The following DIAPH1 variants were observed in gnomAD, a reference collection of about 807,000 sequenced individuals.
The protein encoded by DIAPH1 is diaphanous related formin 1.
DIAPH1 carries 46 observed loss-of-function variants against 140.7 expected under a neutral mutation model. That is an observed-to-expected ratio of 0.33 (90% CI 0.26 to 0.42). The LOEUF is 0.42. DIAPH1 is among the 10% of genes least tolerant of loss of function. The pLI is 1.00. For missense variants in DIAPH1, 1,310 were observed against 1,558.7 expected (o/e 0.84, Z 2.69); for synonymous variants, 565 against 551.6 (o/e 1.02, Z -0.34).
rs1334098898 is a variant in DIAPH1 at position 141,573,779 on chromosome 5, G to A, written c.2071C>T (p.Pro691Ser). Residue 691 changes from proline to serine, a missense_variant, in exon 16 of 28, where the codon CCA becomes TCA. This residue lies in a region of DIAPH1 where 589 missense variants were observed against 549.3 expected (regional missense o/e 1.07). Coordinates refer to ENST00000389054, the MANE Select transcript of DIAPH1 (RefSeq NM_005219.5). Reference protein sequence around the residue: ...LPGSARIPPPPPPLPGSAGIP... With the variant: ...LPGSARIPPPSPPLPGSAGIP... ...CCAGCACTCCCAGGCAAAGGAGGTG[G>A]TGGTGGGGGGATTCTAGCACTCCCA... 6 of 1,367,966 alleles carry A rather than the reference G, an allele frequency of 4.4e-6. No individual in the cohort carries two copies. The highest frequency in any genetic ancestry group is 3.0e-5 in the African/African-American group (2 of 65,930). 84.7% of individuals were successfully genotyped at this position (1,367,966 alleles called of 1,614,324 possible).
chr5:141,572,356 A>G (rs1265118816), intron 16 of DIAPH1, among the ~76,000 whole-genome samples: 1 of 152,074 alleles, frequency 6.6e-6, no homozygotes, highest in Non-Finnish European at 1.5e-5. Flanking sequence ...AATTTCTCCC[A>G]CCAGTTTGGC....
At chr5:141,605,878 C>T (rs1462627645) in intron 1 of DIAPH1, among the ~76,000 whole-genome samples, 2 of 152,156 alleles carry the variant, frequency 1.3e-5, no homozygotes. Context: ...ACAGACGTCA[C>T]CCACAGACCT....
chr5:141,589,415 A>T (rs554244690), intron 1 of DIAPH1, among the ~76,000 whole-genome samples: 14 of 152,250 alleles, frequency 9.2e-5, no homozygotes, highest in Non-Finnish European at 1.8e-4. Flanking sequence ...GAGTTAATGA[A>T]AGATGTGAAC....
Position 141,578,524 on chromosome 5 carries a change from C to A in DIAPH1, c.1035G>T (p.Gln345His). ...AAGTGTAATATCTTACCTGCAACAC[C>A]TGATGTAGCCCCAAACGCATCAGTT... ...RSELMRLGLHQVLQDLREIEN... is the reference protein window; with the variant it reads ...RSELMRLGLHHVLQDLREIEN... The change falls in exon 10 of 28, where the codon CAG becomes CAT. Residue 345 changes from glutamine (Q) to histidine (H), a missense_variant. Physicochemically the swap from Gln to His is conservative, Grantham distance 24. Coordinates refer to ENST00000389054, the MANE Select transcript of DIAPH1 (RefSeq NM_005219.5). 6.2e-7 allele frequency: 1 copy of A among 1,613,808 alleles called. No individual in the cohort carries two copies. Among genetic ancestry groups the A allele is most frequent in the South Asian group, 1.1e-5 (1 of 91,066 alleles).
Position 141,591,695 on chromosome 5 carries a change from G to GAGATATATAT in DIAPH1, c.118-3446_118-3445insATATATATCT, listed in dbSNP as rs1212743856. ...TGGAAAAGGAAGGAAGGGAGATGGGGATATATATATATATATATATATATA... is the reference window on the plus strand; with the variant it reads ...TGGAAAAGGAAGGAAGGGAGATGGGGAGATATATATATATATATATATATATATATATATA... On this transcript the variant is annotated intron_variant, in intron 1 of 27. Transcript: ENST00000389054. 1.0e-3 allele frequency among the ~76,000 whole-genome samples: 86 copies of GAGATATATAT among 86,346 alleles called. 1 individual carries two copies. The highest frequency in any genetic ancestry group is 4.4e-3 in the African/African-American group (77 of 17,474). The allele number at this position is 86,346 out of a possible 152,430, so 56.6% of individuals were successfully genotyped here.
At chr5:141,540,117 G>A (rs2099889744) in intron 18 of DIAPH1, among the ~76,000 whole-genome samples, 1 of 151,152 alleles carries the variant, frequency 6.6e-6, no homozygotes, top group Non-Finnish European at 1.5e-5. Flanking sequence ...GCATAAGGTT[G>A]TTTTTTTTCT....
chr5:141,538,723 G>A (rs1354585368), intron 18 of DIAPH1, among the ~76,000 whole-genome samples: 6 of 151,870 alleles, frequency 4.0e-5, no homozygotes, highest in East Asian at 1.9e-4. Context: ...GTGAGCCACC[G>A]TGCCCAGCCC....
At chr5:141,553,372 G>A (rs2099892044) in intron 18 of DIAPH1, among the ~76,000 whole-genome samples, 2 of 152,150 alleles carry the variant, frequency 1.3e-5, no homozygotes, top group Admixed American at 1.3e-4. Context: ...GGGCATGGTG[G>A]CTCACGCCTG....
Position 141,573,866 on chromosome 5 carries a change from C to A in DIAPH1, c.1984G>T (p.Gly662Cys), listed in dbSNP as rs753471630. Residue 662 changes from glycine to cysteine, a missense_variant, in exon 16 of 28, where the codon GGC becomes TGC. Coordinates refer to ENST00000389054, the MANE Select transcript of DIAPH1 (RefSeq NM_005219.5). The part of the protein sequence containing the change: ...PPPPPLPEGV[G>C]IPSPSSLPGG... ...GGCAAAGAAGAGGGTGAAGGGATGC[C>A]AACACCCTCAGGCAAAGGAGGGGGT... 3 of 1,532,486 alleles carry A rather than the reference C, an allele frequency of 2.0e-6. No homozygotes were observed. In the East Asian group the frequency reaches 7.2e-5, roughly 37 times the overall value. The allele number at this position is 1,532,486 out of a possible 1,614,324, so 94.9% of individuals were successfully genotyped here.
intron 24 of DIAPH1, among the ~76,000 whole-genome samples, chr5:141,526,985 C>T (rs2099887429): frequency 6.6e-6 from 1 of 152,056 alleles, no homozygotes; most frequent in Non-Finnish European, 1.5e-5. Context: ...GACATATGTG[C>T]AAAACACAAT....
At chr5:141,572,481 C>T (rs1022300862) in intron 16 of DIAPH1, among the ~76,000 whole-genome samples, 7 of 152,154 alleles carry the variant, frequency 4.6e-5, no homozygotes, top group Non-Finnish European at 8.8e-5. Context: ...TCAAACACAT[C>T]ATGGGAACAA....
chr5:141,578,902 T>C (rs1359239861), intron 9 of DIAPH1, among the ~76,000 whole-genome samples, 186 bp downstream of exon 9: 1 of 152,210 alleles, frequency 6.6e-6, no homozygotes, highest in East Asian at 1.9e-4. Context: ...CATCTCATAA[T>C]GAGGAAAACA....
intron 18 of DIAPH1, among the ~76,000 whole-genome samples, chr5:141,555,231 G>A (rs762309404): frequency 3.3e-5 from 5 of 152,208 alleles, no homozygotes; most frequent in African/African-American, 7.2e-5. Flanking sequence ...TTAACATAGT[G>A]TGATAATGTA....
At chr5:141,543,741 A>G (rs574195724) in intron 18 of DIAPH1, among the ~76,000 whole-genome samples, 1 of 152,308 alleles carries the variant, frequency 6.6e-6, no homozygotes, top group East Asian at 1.9e-4. Flanking sequence ...TCGACTCACA[A>G]TGGCTTTCAG....
chr5:141,609,770 C>T (rs747741055), intron 1 of DIAPH1, among the ~76,000 whole-genome samples: 1 of 152,126 alleles, frequency 6.6e-6, no homozygotes, highest in Non-Finnish European at 1.5e-5. Context: ...ACTGGCATTA[C>T]ACAATCTGTA....
At chr5:141,575,382 C>T (rs1435126590) in intron 14 of DIAPH1, among the ~76,000 whole-genome samples, 1 of 152,188 alleles carries the variant, frequency 6.6e-6, no homozygotes, top group African/African-American at 2.4e-5. Context: ...GGCGGAGTGG[C>T]TCACACCTGT....
chr5:141,528,494 T>C lies in DIAPH1; in HGVS notation c.3107A>G (p.Lys1036Arg). The C allele has an allele frequency of 1.2e-6, 2 of 1,614,214 alleles. No individual in the cohort carries two copies. Among genetic ancestry groups the C allele is most frequent in the Non-Finnish European group, 1.7e-6 (2 of 1,180,034 alleles). ...LCENDYPDVL[K>R]FPDELAHVEK... Reference sequence around the variant, plus strand: ...CACATGGGCAAGCTCGTCTGGAAACTTGAGGACATCGGGATAGTCATTCTC... The same window carrying C: ...CACATGGGCAAGCTCGTCTGGAAACCTGAGGACATCGGGATAGTCATTCTC... Residue 1036 changes from lysine to arginine, a missense_variant, in exon 23 of 28, where the codon AAG becomes AGG. This residue lies in a region of DIAPH1 where 344 missense variants were observed against 512.2 expected (regional missense o/e 0.67). Coordinates refer to ENST00000389054, the MANE Select transcript of DIAPH1 (RefSeq NM_005219.5).
At chr5:141,610,921 A>G (rs960996574) in intron 1 of DIAPH1, among the ~76,000 whole-genome samples, 3 of 151,694 alleles carry the variant, frequency 2.0e-5, no homozygotes, top group Non-Finnish European at 2.9e-5. Context: ...TAAAAAAAAA[A>G]AAAAGAAAAA....
At chr5:141,554,815 C>CA (rs543280552) in intron 18 of DIAPH1, among the ~76,000 whole-genome samples, 23 of 150,870 alleles carry the variant, frequency 1.5e-4, no homozygotes, top group South Asian at 6.3e-4. Flanking sequence ...CTCAACAATA[C>CA]AAAAAAAAAC....
Sources: allele counts gnomAD v4.1 joint callset (sites outside exome capture counted in the v4.1 genomes callset), GRCh38; gene constraint gnomAD v4.1.1; regional missense constraint gnomAD v4.1.1; transcripts MANE v1.5; gene names NCBI Gene and HGNC (gene_info 2026-07-23, HGNC 2026-07-21).